GBP3: variants seen among roughly 807,000 people sequenced by gnomAD.
GBP3 encodes guanylate binding protein 3.
GBP3 carries 55 observed loss-of-function variants against 62.4 expected under a neutral mutation model. The ratio of observed to expected loss-of-function variants is 0.88; its 90% confidence interval spans 0.71 to 1.10. GBP3 has a LOEUF of 1.10. Among genes scored for constraint, GBP3 ranks in the 50% least tolerant of loss-of-function variants. The pLI, the probability that GBP3 is intolerant of heterozygous loss-of-function variation, is 0.00. For missense variants in GBP3, 605 were observed against 690.6 expected (o/e 0.88, Z 1.39); for synonymous variants, 208 against 259.2 (o/e 0.80, Z 1.90).
At chr1:89,013,939 G>T in intron 5 of GBP3, 144 bp downstream of exon 5, 1 of 845,602 alleles carries the variant, frequency 1.2e-6, no homozygotes, top group Non-Finnish European at 1.8e-6. Context: ...CTTTTCTATT[G>T]CTAATAGCAA....
chr1:89,008,886 G>T, intron 10 of GBP3, 61 bp downstream of exon 10: 1 of 1,610,862 alleles, frequency 6.2e-7, no homozygotes, highest in South Asian at 1.1e-5. Context: ...TACTAAGTTT[G>T]TGATCAGGAA....
Position 89,014,943 on chromosome 1 carries a change from G to C in GBP3, c.319-287C>G, listed in dbSNP as rs376807059. Among the ~76,000 whole-genome samples the C allele has an allele frequency of 1.1e-4, 16 of 152,340 alleles. 2 individuals carry two copies. Among genetic ancestry groups the C allele is most frequent in the Admixed American group, 1.3e-4 (2 of 15,302 alleles). On this transcript the variant is annotated intron_variant, in intron 3 of 10. Transcript: ENST00000370481. ...GTTAATGGGCATTCTAAGGCCTGAA[G>C]TATAATTTAAACTTGCTCAGGCTAC...
At chr1:89,020,171 C>G in intron 2 of GBP3, 1 of 411,620 alleles carries the variant, frequency 2.4e-6, no homozygotes, top group Non-Finnish European at 4.9e-6. Flanking sequence ...CCCAGGAAGT[C>G]AAGACTGTGG....
rs1021840867 is a variant in GBP3, at chr1:89,010,382, A to G, written c.1362+522T>C. ...TGATCTGCCTGCCTCAGCCTCCCAA[A>G]GTGCTGGGATTACAGGCGTGAGCCA... On this transcript the variant is annotated intron_variant, in intron 8 of 10. Coordinates refer to ENST00000370481, the MANE Select transcript of GBP3 (RefSeq NM_018284.3). Among the ~76,000 whole-genome samples, 15 of 137,676 alleles carry G rather than the reference A, an allele frequency of 1.1e-4. 3 individuals carry two copies. Among genetic ancestry groups the G allele is most frequent in the Non-Finnish European group, 1.7e-4 (10 of 59,778 alleles). The allele number at this position is 137,676 out of a possible 152,430, so 90.3% of individuals were successfully genotyped here. A position where few individuals can be genotyped will look rare whatever the true frequency, so the allele number is the denominator to read the frequency against.
chr1:89,015,186 A>C (rs945674019), intron 3 of GBP3, 101 bp downstream of exon 3: 2 of 1,233,842 alleles, frequency 1.6e-6, no homozygotes, highest in Non-Finnish European at 2.2e-6. Context: ...GAAAAGACAA[A>C]TTATAGTTAA....
rs766566145 is a variant in GBP3, at chr1:89,012,033, T to A, written c.869-6A>T. 8.2e-6 allele frequency: 12 copies of A among 1,456,718 alleles called. 1 individual carries two copies. In the African/African-American group the frequency reaches 1.6e-4, roughly 20 times the overall value. The allele number at this position is 1,456,718 out of a possible 1,614,324, so 90.2% of individuals were successfully genotyped here. Reference sequence around the variant, plus strand: ...CAGCACTAGGCTCTCTAGACCTACATACAAAGAAGAAATGATAATGTTTCT... The same window carrying A: ...CAGCACTAGGCTCTCTAGACCTACAAACAAAGAAGAAATGATAATGTTTCT... On this transcript the variant is annotated splice_region_variant and splice_polypyrimidine_tract_variant and intron_variant, in intron 6 of 10. Transcript: ENST00000370481.
In GBP3 at chr1:89,009,473, A is replaced by G; in HGVS notation, c.1384T>C (p.Tyr462His). 6.2e-7 allele frequency: 1 copy of G among 1,614,180 alleles called. No homozygotes were observed. The highest frequency in any genetic ancestry group is 8.5e-7 in the Non-Finnish European group (1 of 1,180,016). Reference protein sequence around the residue: ...GIQAEEILQTYLKSKESVTDA... With the variant: ...GIQAEEILQTHLKSKESVTDA... ...GTCACAGACTCCTTGGATTTCAAGT[A>G]TGTCTGCAGAATCTCTTCAGCCTTA... The change falls in exon 9 of 11, where the codon TAC becomes CAC. Residue 462 changes from tyrosine (Y) to histidine (H), a missense_variant. By Grantham distance (83) the Tyr-to-His change is moderately conservative (BLOSUM62 2). Around this residue, in one of 3 missense-constraint regions of GBP3, gnomAD observed 137 missense variants for 224.7 expected, o/e 0.61. Coordinates refer to ENST00000370481, the MANE Select transcript of GBP3 (RefSeq NM_018284.3).
chr1:89,022,681 T>C lies in GBP3; in HGVS notation c.-23+3A>G, dbSNP rs766974459. 2.0e-5 allele frequency: 3 copies of C among 152,270 alleles called. No homozygotes were observed. Among genetic ancestry groups the C allele is most frequent in the Non-Finnish European group, 4.4e-5 (3 of 68,054 alleles). The allele number at this position is 152,270 out of a possible 1,614,324, so 9.4% of individuals were successfully genotyped here. On this transcript the variant is annotated splice_donor_region_variant and intron_variant, in intron 1 of 10. Transcript: ENST00000370481. Reference sequence around the variant, plus strand: ...CTGGAGAGGAAGCAATAGGAGTTCTTACCTGTGCTTTTATCTTCAGTCCAG... The same window carrying C: ...CTGGAGAGGAAGCAATAGGAGTTCTCACCTGTGCTTTTATCTTCAGTCCAG...
chr1:89,022,512 A>G (rs955588239), intron 1 of GBP3, among the ~76,000 whole-genome samples, 172 bp downstream of exon 1: 1 of 152,228 alleles, frequency 6.6e-6, no homozygotes. Context: ...CCATGATTTT[A>G]TCTGACCTGT....
chr1:89,008,979 C>T lies in GBP3; in HGVS notation c.1627G>A (p.Glu543Lys). Residue 543 changes from glutamate (E) to lysine (K), a missense_variant, in exon 10 of 11, where the codon GAG becomes AAG. Glu to Lys is a moderately conservative substitution (Grantham distance 56). Around this residue, in one of 3 missense-constraint regions of GBP3, gnomAD observed 160 missense variants for 147.8 expected, o/e 1.08. Transcript: ENST00000370481. ...TTACTAGTGAGGGTCTTCTCTTGCT[C>T]TTCCAGCAACTGGGCCCTCTCCCTC... ...MERERAQLLEEQEKTLTSKLQ... is the reference protein window; with the variant it reads ...MERERAQLLEKQEKTLTSKLQ... The T allele has an allele frequency of 6.2e-7, 1 of 1,614,144 alleles. No homozygotes were observed. The highest frequency in any genetic ancestry group is 1.3e-5 in the African/African-American group (1 of 75,052).
At chr1:89,020,346 T>G in intron 2 of GBP3, 186 bp downstream of exon 2, 1 of 669,218 alleles carries the variant, frequency 1.5e-6, no homozygotes, top group Non-Finnish European at 2.6e-6. Context: ...TTGAGATAAC[T>G]CACTACCCTC....
At chr1:89,008,904 G>A (rs1043742344) in intron 10 of GBP3, 43 bp downstream of exon 10, 16 of 1,613,600 alleles carry the variant, frequency 9.9e-6, no homozygotes, top group African/African-American at 2.7e-5. Flanking sequence ...GAAGAACAGA[G>A]AGAAAACAGA....
At position 89,014,087 on chromosome 1, in the gene GBP3, C is replaced by A. The variant is rs991823295; in HGVS notation, c.621G>T (p.Thr207=). ...TCAATGGTACGTCTCTGTTACCTTG[C>A]GTTAGCTTCAGGGAATACTCCAGGT... ...DEYLEYSLKL[T]QGTSQKDKNF... Residue 207 remains threonine (T), a synonymous_variant, in exon 5 of 11, where the codon ACG becomes ACT. Transcript: ENST00000370481. The A allele has an allele frequency of 1.9e-6, 3 of 1,613,796 alleles. No individual in the cohort carries two copies. The highest frequency in any genetic ancestry group is 1.3e-5 in the African/African-American group (1 of 74,900).
rs1000464213 is a variant in GBP3 at position 89,011,257 on chromosome 1, T to TA, written c.1150-142dup. The TA allele has an allele frequency of 2.1e-4, 230 of 1,113,080 alleles. 26 individuals are homozygous for TA. The highest frequency in any genetic ancestry group is 2.9e-4 in the Non-Finnish European group (226 of 774,260). 69.0% of individuals were successfully genotyped at this position (1,113,080 alleles called of 1,614,324 possible). On this transcript the variant is annotated intron_variant, in intron 7 of 10. Coordinates refer to ENST00000370481, the MANE Select transcript of GBP3 (RefSeq NM_018284.3). The stretch of plus-strand genomic sequence containing the variant: ...AGACTCCTCAGCAGGACCACGCTCT[T>TA]ACTCCTGACCCCACTTTCTACTGAA...
rs1678412265 is a variant in GBP3 at position 89,009,213 on chromosome 1, T to C, written c.1466-73A>G. 4.0e-6 allele frequency: 6 copies of C among 1,485,410 alleles called. No individual in the cohort carries two copies. The South Asian group carries it at 4.7e-5, about 12-fold the overall frequency. 92.0% of individuals were successfully genotyped at this position (1,485,410 alleles called of 1,614,324 possible). A position where few individuals can be genotyped will look rare whatever the true frequency, so the allele number is the denominator to read the frequency against. ...TTCTTAGTTATACACTTACCCTCCA[T>C]TGTTGCTGCTGACTGCATATGCCCT... On this transcript the variant is annotated intron_variant, in intron 9 of 10. Coordinates refer to ENST00000370481, the MANE Select transcript of GBP3 (RefSeq NM_018284.3).
intron 8 of GBP3, among the ~76,000 whole-genome samples, chr1:89,009,784 A>G (rs1387720141): frequency 6.6e-6 from 1 of 152,180 alleles, no homozygotes; most frequent in Non-Finnish European, 1.5e-5. Context: ...ATATGGGCTG[A>G]GCTGACTGGA....
In GBP3 at chr1:89,006,864, T is replaced by C. The variant is rs553351080; in HGVS notation, c.*860A>G. On this transcript the variant is annotated 3_prime_UTR_variant, in exon 11 of 11. Coordinates refer to ENST00000370481, the MANE Select transcript of GBP3 (RefSeq NM_018284.3). ...AATTCCATATTCCCTTTGGGGAAAA[T>C]TGGCAGGATTTCAAGTATGACCTTT... is the stretch of plus-strand genomic sequence containing the variant. 23 of 152,164 alleles carry C rather than the reference T, an allele frequency of 1.5e-4. No homozygotes were observed. Among genetic ancestry groups the C allele is most frequent in the Non-Finnish European group, 2.5e-4 (17 of 68,020 alleles). 9.4% of individuals were successfully genotyped at this position (152,164 alleles called of 1,614,324 possible). A position where few individuals can be genotyped will look rare whatever the true frequency, so the allele number is the denominator to read the frequency against.
intron 1 of GBP3, among the ~76,000 whole-genome samples, chr1:89,022,094 G>C (rs1339376469): frequency 6.6e-6 from 1 of 151,814 alleles, no homozygotes; most frequent in East Asian, 1.9e-4. Context: ...AAGCTCTTTA[G>C]CCTGGATTAT....
chr1:89,021,544 A>ACACACACACCC (rs761151308), intron 1 of GBP3, among the ~76,000 whole-genome samples: 11 of 140,942 alleles, frequency 7.8e-5, no homozygotes, highest in South Asian at 4.8e-4. Context: ...ACACACACAC[A>ACACACACACCC]CCCCAAAAAA....
Sources: gnomAD v4.1 joint callset for allele counts (sites outside exome capture counted in the v4.1 genomes callset) on GRCh38, gnomAD v4.1.1 for gene constraint, gnomAD v4.1.1 regional missense constraint, MANE v1.5 for transcripts, NCBI Gene and HGNC (gene_info 2026-07-23, HGNC 2026-07-21) for gene names.